Variants in CNKSR2 observed in about 807,000 individuals in gnomAD.
CNKSR2 encodes the protein CNK homolog protein 2.
A neutral mutation model predicts 84.4 loss-of-function variants in CNKSR2; 14 were observed. That is an observed-to-expected ratio of 0.17 (90% CI 0.11 to 0.26). The LOEUF (loss-of-function observed/expected upper bound fraction) is 0.26. Among genes scored for constraint, CNKSR2 ranks in the 10% least tolerant of loss-of-function variants. The probability of loss-of-function intolerance (pLI) is 1.00; values close to 1 mark genes in which losing one functional copy is unlikely to be tolerated. For synonymous variants in CNKSR2, 275 were observed against 277.9 expected (o/e 0.99, Z 0.10); for missense variants, 485 against 771.2 (o/e 0.63, Z 4.40).
intron 20 of CNKSR2, among the ~76,000 whole-genome samples, chrX:21,630,458 C>T (rs749779300): frequency 9.0e-6 from 1 of 111,617 alleles, no homozygotes; most frequent in Non-Finnish European, 1.9e-5. Context: ...TAATATAAGT[C>T]ATTTAATCCT....
At chrX:21,398,337 A>C (rs1050480634) in intron 1 of CNKSR2, among the ~76,000 whole-genome samples, 26 of 112,317 alleles carry the variant, frequency 2.3e-4, no homozygotes, top group Non-Finnish European at 4.1e-4. Flanking sequence ...AAGTGAAAAT[A>C]TAAAATACTT....
chrX:21,526,454 G>T (rs1601903009), intron 9 of CNKSR2, among the ~76,000 whole-genome samples: 1 of 111,254 alleles, frequency 9.0e-6, no homozygotes, highest in South Asian at 3.7e-4. Flanking sequence ...ACATCAATCA[G>T]GATGTGAGTG....
chrX:21,563,870 A>T (rs2092214840), intron 13 of CNKSR2, among the ~76,000 whole-genome samples: 1 of 111,092 alleles, frequency 9.0e-6, no homozygotes, highest in Non-Finnish European at 1.9e-5. Flanking sequence ...AAATGGGAAG[A>T]CGTGAGACAC....
rs962747360 is a variant in CNKSR2, at chrX:21,374,794, A to T, written c.-104A>T. 1 of 714,179 alleles carries T rather than the reference A, an allele frequency of 1.4e-6. No homozygotes were observed. The highest frequency in any genetic ancestry group is 2.3e-5 in the Admixed American group (1 of 43,665). 58.9% of individuals were successfully genotyped at this position (714,179 alleles called of 1,213,427 possible). ...GCCGCTTTCTCCGCGCCGCCCGCCC[A>T]GGGAGGCTGCGGCCAGCAAGGGACC... On this transcript the variant is annotated 5_prime_UTR_variant, in exon 1 of 22. Coordinates refer to ENST00000379510, the MANE Select transcript of CNKSR2 (RefSeq NM_014927.5).
intron 20 of CNKSR2, among the ~76,000 whole-genome samples, chrX:21,623,053 T>C (rs746182197): frequency 1.8e-5 from 2 of 111,193 alleles, no homozygotes; most frequent in South Asian, 7.6e-4. Context: ...GTTGGACTTT[T>C]ACAGATCTAG....
At chrX:21,426,376 C>CAG in intron 1 of CNKSR2, 121 bp from the exon 2 acceptor site, 1 of 627,017 alleles carries the variant, frequency 1.6e-6, no homozygotes. Flanking sequence ...TTGGCTAGTT[C>CAG]AGAGTTAAAA....
intron 5 of CNKSR2, among the ~76,000 whole-genome samples, chrX:21,480,734 A>G (rs2091310019): frequency 8.9e-6 from 1 of 112,030 alleles, no homozygotes; most frequent in Admixed American, 9.5e-5. Context: ...TCGAAGTGTC[A>G]TGGGTGAACT....
intron 20 of CNKSR2, chrX:21,642,778 T>C: frequency 1.4e-6 from 1 of 713,097 alleles, no homozygotes; most frequent in Non-Finnish European, 1.7e-6. Flanking sequence ...TGCCTGATAG[T>C]AAATATCTTT....
At chrX:21,406,529 G>A (rs1181556443) in intron 1 of CNKSR2, among the ~76,000 whole-genome samples, 1 of 111,567 alleles carries the variant, frequency 9.0e-6, no homozygotes, top group African/African-American at 3.3e-5. Flanking sequence ...TTATTGAACT[G>A]CTCAGGAGTC....
chrX:21,553,962 T>C (rs1288518956), intron 11 of CNKSR2, among the ~76,000 whole-genome samples: 1 of 111,494 alleles, frequency 9.0e-6, no homozygotes, highest in Non-Finnish European at 1.9e-5. Context: ...TACCCAGAAC[T>C]CTTTTGCCAC....
intron 13 of CNKSR2, among the ~76,000 whole-genome samples, chrX:21,575,182 A>G (rs1223579423): frequency 8.9e-6 from 1 of 112,062 alleles, no homozygotes; most frequent in African/African-American, 3.2e-5. Flanking sequence ...TAAAAGAAGA[A>G]GAAAACAATA....
chrX:21,632,909 T>G (rs1170209973), intron 20 of CNKSR2, among the ~76,000 whole-genome samples: 2 of 110,939 alleles, frequency 1.8e-5, no homozygotes, highest in Admixed American at 1.9e-4. Flanking sequence ...TAGCCCAATT[T>G]TTAATATATT....
chrX:21,389,740 G>C (rs1018057476), intron 1 of CNKSR2, among the ~76,000 whole-genome samples: 2 of 112,180 alleles, frequency 1.8e-5, no homozygotes, highest in African/African-American at 6.5e-5. Flanking sequence ...TATTGGCCCT[G>C]GCCTGGCATC....
intron 4 of CNKSR2, among the ~76,000 whole-genome samples, chrX:21,456,138 A>G (rs921292244): frequency 1.8e-5 from 2 of 112,078 alleles, no homozygotes; most frequent in African/African-American, 6.5e-5. Flanking sequence ...ATGTATGTAC[A>G]CATTATGAAA....
intron 1 of CNKSR2, among the ~76,000 whole-genome samples, chrX:21,375,208 G>A (rs2089791548): frequency 8.9e-6 from 1 of 112,952 alleles, no homozygotes; most frequent in African/African-American, 3.2e-5. Context: ...CCCGTTGGAG[G>A]CAGGAAGTCG....
At chrX:21,481,436 T>C (rs1310677846) in intron 5 of CNKSR2, among the ~76,000 whole-genome samples, 1 of 111,626 alleles carries the variant, frequency 9.0e-6, no homozygotes, top group African/African-American at 3.3e-5. Context: ...ATTGATAATT[T>C]TCCTTTGGCA....
chrX:21,636,193 A>T (rs1052589290), intron 20 of CNKSR2, among the ~76,000 whole-genome samples: 2 of 111,476 alleles, frequency 1.8e-5, no homozygotes, highest in Non-Finnish European at 3.8e-5. Context: ...AGTTCTCATC[A>T]CTGAGTTACT....
chrX:21,507,669 A>G (rs755081675), intron 8 of CNKSR2, among the ~76,000 whole-genome samples: 15 of 111,800 alleles, frequency 1.3e-4, no homozygotes, highest in Non-Finnish European at 2.1e-4. Flanking sequence ...CTGCTAGTAA[A>G]TGACATTGTA....
At chrX:21,642,370 T>C (rs1307358687) in intron 20 of CNKSR2, 2 of 751,929 alleles carry the variant, frequency 2.7e-6, no homozygotes, top group Non-Finnish European at 1.6e-6. Flanking sequence ...AGCTATTCTT[T>C]TCTGTAAAAT....
Sources: gnomAD v4.1 joint callset for allele counts (sites outside exome capture counted in the v4.1 genomes callset) on GRCh38, gnomAD v4.1.1 for gene constraint, MANE v1.5 for transcripts, NCBI Gene and HGNC (gene_info 2026-07-23, HGNC 2026-07-21) for gene names.